The following SCN2A variants were observed in gnomAD, a reference collection of about 807,000 sequenced individuals.
SCN2A encodes the protein sodium voltage-gated channel alpha subunit 2, also known as sodium channel protein type 2 subunit alpha.
SCN2A carries 20 observed loss-of-function variants against 188.7 expected under a neutral mutation model. The ratio of observed to expected loss-of-function variants is 0.11; its 90% CI spans 0.07 to 0.15. SCN2A has a LOEUF of 0.15. SCN2A is among the 10% of genes least tolerant of loss of function. The probability of loss-of-function intolerance (pLI) is 1.00; values close to 1 mark genes in which losing one functional copy is unlikely to be tolerated. For synonymous variants in SCN2A, 804 were observed against 833.1 expected (o/e 0.97, Z 0.60); for missense variants, 1,278 against 2,445.0 (o/e 0.52, Z 10.07).
chr2:165,282,516 A>G (rs771268659), intron 1 of SCN2A, among the ~76,000 whole-genome samples: 1 of 152,226 alleles, frequency 6.6e-6, no homozygotes, highest in Non-Finnish European at 1.5e-5. Context: ...GACAGTTTGC[A>G]TAAATAAGAA....
chr2:165,380,235 CAT>C (rs1366205356), intron 23 of SCN2A, among the ~76,000 whole-genome samples: 3 of 151,742 alleles, frequency 2.0e-5, no homozygotes, highest in African/African-American at 7.2e-5. Flanking sequence ...AAAGTTTTGA[CAT>C]AGAATAATGT....
intron 1 of SCN2A, chr2:165,269,841 A>G (rs1361821668): frequency 6.6e-6 from 1 of 151,966 alleles, no homozygotes; most frequent in Non-Finnish European, 1.5e-5. Flanking sequence ...TAACTTTTAC[A>G]TTTATAACAT....
chr2:165,304,549 T>C (rs1281744452), intron 3 of SCN2A, among the ~76,000 whole-genome samples: 1 of 152,234 alleles, frequency 6.6e-6, no homozygotes, highest in East Asian at 1.9e-4. Context: ...GTGAATAATA[T>C]AGACATGATT....
chr2:165,295,961 T>A lies in SCN2A; in HGVS notation c.138T>A (p.Asp46Glu). 6.2e-7 allele frequency: 1 copy of A among 1,614,120 alleles called. No individual in the cohort carries two copies. Among genetic ancestry groups the A allele is most frequent in the Non-Finnish European group, 8.5e-7 (1 of 1,180,016 alleles). ...RPKQERKDED[D>E]ENGPKPNSDL... ...AACAGGAACGCAAGGATGAGGATGA[T>A]GAAAATGGCCCAAAGCCAAACAGTG... The change falls in exon 2 of 27, where the codon GAT (aspartate) becomes GAA (glutamate). Residue 46 changes from aspartate to glutamate, a missense_variant. Physicochemically the swap from Asp to Glu is conservative, Grantham distance 45. This residue lies in a region of SCN2A where 141 missense variants were observed against 185.4 expected (regional missense o/e 0.76). Coordinates refer to ENST00000375437, the MANE Select transcript of SCN2A (RefSeq NM_001040142.2).
intron 17 of SCN2A, among the ~76,000 whole-genome samples, chr2:165,363,938 T>A (rs1299603306): frequency 1.3e-5 from 2 of 152,130 alleles, no homozygotes; most frequent in Non-Finnish European, 2.9e-5. Flanking sequence ...ATTTTTTAAG[T>A]CATCAGCATC....
At position 165,262,543 on chromosome 2, in the gene SCN2A, AT is replaced by A. The variant is rs1694643544; in HGVS notation, c.-52+22905del. On this transcript the variant is annotated intron_variant, in intron 1 of 26. Coordinates refer to ENST00000375437, the MANE Select transcript of SCN2A (RefSeq NM_001040142.2). ...TTCCATCAAAATTGCTGAGAAAGCC[AT>A]TATTTCATTCCTTTTTAAGACAAAG... is the stretch of plus-strand genomic sequence containing the variant. 2.0e-5 allele frequency among the ~76,000 whole-genome samples: 3 copies of A among 152,084 alleles called. No individual in the cohort carries two copies. The South Asian group carries it at 6.2e-4, about 31-fold the overall frequency.
At chr2:165,247,550 C>T (rs778636488) in intron 1 of SCN2A, among the ~76,000 whole-genome samples, 13 of 152,216 alleles carry the variant, frequency 8.5e-5, no homozygotes, top group South Asian at 4.1e-4. Flanking sequence ...CACTGCCTTC[C>T]GTTGGATTTC....
intron 3 of SCN2A, among the ~76,000 whole-genome samples, chr2:165,299,458 C>T (rs546004747): frequency 2.6e-5 from 4 of 152,254 alleles, no homozygotes; most frequent in Non-Finnish European, 4.4e-5. Context: ...CAAATTTATT[C>T]CAATGTAGAA....
chr2:165,381,198 G>A lies in SCN2A; in HGVS notation c.4551+1G>A, dbSNP rs527688117. The A allele has an allele frequency of 1.3e-6, 2 of 1,561,034 alleles. No individual in the cohort carries two copies. Among genetic ancestry groups the A allele is most frequent in the African/African-American group, 1.3e-5 (1 of 74,080 alleles). ...ACAAAAACCCATACCTCGACCTGCTGTAAGAATAACATATTTTCATTGCCT... is the reference window on the plus strand; with the variant it reads ...ACAAAAACCCATACCTCGACCTGCTATAAGAATAACATATTTTCATTGCCT... On this transcript the variant is annotated splice_donor_variant, in intron 25 of 26. Transcript: ENST00000375437. LOFTEE classifies it high-confidence loss of function.
chr2:165,296,310 A>G (rs1233056882), intron 2 of SCN2A: 2 of 576,864 alleles, frequency 3.5e-6, no homozygotes, highest in Non-Finnish European at 6.2e-6. Context: ...CTGGTGAGGC[A>G]TCCTCCAGCG....
intron 1 of SCN2A, among the ~76,000 whole-genome samples, chr2:165,291,202 C>T (rs943115603): frequency 5.3e-5 from 8 of 151,534 alleles, no homozygotes; most frequent in Non-Finnish European, 8.8e-5. Flanking sequence ...TCACCATGCC[C>T]GGCTAATTTT....
Position 165,296,045 on chromosome 2 carries a change from G to A in SCN2A, c.222G>A (p.Val74=). The part of the protein sequence containing the change: ...FIYGDIPPEM[V]SVPLEDLDPY... ...ATGGAGACATTCCTCCAGAGATGGTGTCAGTGCCCCTGGAGGATCTGGACC... is the reference window on the plus strand; with the variant it reads ...ATGGAGACATTCCTCCAGAGATGGTATCAGTGCCCCTGGAGGATCTGGACC... The change falls in exon 2 of 27, where the codon GTG becomes GTA. Residue 74 remains valine, a synonymous_variant. Coordinates refer to ENST00000375437, the MANE Select transcript of SCN2A (RefSeq NM_001040142.2). 1 of 1,614,086 alleles carries A rather than the reference G, an allele frequency of 6.2e-7. No homozygotes were observed. Among genetic ancestry groups the A allele is most frequent in the African/African-American group, 1.3e-5 (1 of 75,060 alleles).
chr2:165,342,737 G>A (rs776711816), intron 15 of SCN2A, among the ~76,000 whole-genome samples: 9 of 152,140 alleles, frequency 5.9e-5, no homozygotes, highest in Non-Finnish European at 8.8e-5. Flanking sequence ...AGATAAACTC[G>A]AATCACAATT....
intron 24 of SCN2A, 123 bp downstream of exon 24, chr2:165,380,852 C>T: frequency 2.3e-6 from 2 of 856,804 alleles, no homozygotes; most frequent in East Asian, 2.7e-5. Context: ...TATTTTGAGA[C>T]ATTTGATAAT....
At chr2:165,280,216 A>G (rs189000910) in intron 1 of SCN2A, among the ~76,000 whole-genome samples, 42 of 152,280 alleles carry the variant, frequency 2.8e-4, no homozygotes, top group African/African-American at 9.1e-4. Context: ...TATCTCTACT[A>G]TGTACTCAGA....
At chr2:165,244,208 C>T (rs1240727771) in intron 1 of SCN2A, among the ~76,000 whole-genome samples, 1 of 151,844 alleles carries the variant, frequency 6.6e-6, no homozygotes, top group Non-Finnish European at 1.5e-5. Flanking sequence ...TGCCACTGCA[C>T]TCCAGCTTGG....
At chr2:165,291,491 T>TTTCTTTCTTTCTTTCTTTCTTTTC (rs1389976633) in intron 1 of SCN2A, among the ~76,000 whole-genome samples, 4 of 38,846 alleles carry the variant, frequency 1.0e-4, no homozygotes, top group Admixed American at 3.5e-4. Context: ...TCTTTCTTTC[T>TTTCTTTCTTTCTTTCTTTCTTTTC]TTTCTTTCTT....
chr2:165,257,602 G>A (rs767757107), intron 1 of SCN2A, among the ~76,000 whole-genome samples: 1 of 151,958 alleles, frequency 6.6e-6, no homozygotes, highest in African/African-American at 2.4e-5. Context: ...GCAGCGGCGC[G>A]ATCTTGGCTC....
At chr2:165,316,963 A>G (rs558405126) in intron 11 of SCN2A, among the ~76,000 whole-genome samples, 1 of 152,294 alleles carries the variant, frequency 6.6e-6, no homozygotes, top group African/African-American at 2.4e-5. Context: ...TAAAGTTTCC[A>G]CTTTATCAAG....
Sources: gnomAD v4.1 joint callset for allele counts (sites outside exome capture counted in the v4.1 genomes callset) on GRCh38, gnomAD v4.1.1 for gene constraint, gnomAD v4.1.1 regional missense constraint, MANE v1.5 for transcripts, NCBI Gene and HGNC (gene_info 2026-07-23, HGNC 2026-07-21) for gene names.